The following PCYT2 variants were observed in gnomAD, a reference collection of about 807,000 sequenced individuals.
PCYT2 encodes the protein ethanolamine-phosphate cytidylyltransferase.
PCYT2 carries 33 observed loss-of-function variants against 50.0 expected under a neutral mutation model. The observed-to-expected ratio is 0.66, with a 90% confidence interval of 0.50 to 0.88. PCYT2 has a LOEUF of 0.88. Ranked by LOEUF, PCYT2 falls within the 40% of genes least tolerant of loss-of-function variation. The probability of loss-of-function intolerance (pLI) is 0.00; values close to 1 mark genes in which losing one functional copy is unlikely to be tolerated. For missense variants in PCYT2, 430 were observed against 519.7 expected (o/e 0.83, Z 1.68); for synonymous variants, 240 against 203.7 (o/e 1.18, Z -1.52).
At chr17:81,907,077 C>T in intron 6 of PCYT2, 179 bp from the exon 7 acceptor site, 1 of 1,052,598 alleles carries the variant, frequency 9.5e-7, no homozygotes, top group Non-Finnish European at 1.4e-6. Context: ...CCCACAACCA[C>T]AGCAGGCACC....
intron 1 of PCYT2, chr17:81,910,822 C>A: frequency 2.2e-6 from 2 of 922,088 alleles, no homozygotes; most frequent in Non-Finnish European, 2.6e-6. Flanking sequence ...CGATCGCATT[C>A]TAGCCCCGCG....
chr17:81,902,255 C>T lies in PCYT2; in HGVS notation c.*2578G>A, dbSNP rs1327565086. On this transcript the variant is annotated 3_prime_UTR_variant, in exon 13 of 13. Transcript: ENST00000538936. ...GCTGCTCCGAGCCCGGACGCCGCCGCCCACCAGTCAGCCGGCGTCCCCATG... is the reference window on the plus strand; with the variant it reads ...GCTGCTCCGAGCCCGGACGCCGCCGTCCACCAGTCAGCCGGCGTCCCCATG... 1 of 1,236,372 alleles carries T rather than the reference C, an allele frequency of 8.1e-7. No homozygotes were observed. Among genetic ancestry groups the T allele is most frequent in the Non-Finnish European group, 1.0e-6 (1 of 990,736 alleles). 76.6% of individuals were successfully genotyped at this position (1,236,372 alleles called of 1,614,324 possible).
Position 81,902,712 on chromosome 17 carries a change from C to T in PCYT2, c.*2121G>A, listed in dbSNP as rs758891138. 1 of 1,608,882 alleles carries T rather than the reference C, an allele frequency of 6.2e-7. No homozygotes were observed. Among genetic ancestry groups the T allele is most frequent in the Admixed American group, 1.7e-5 (1 of 59,868 alleles). ...CCTACCAGTGCAAGGCGAACGTCTTCCTGTCCCTGCGCGCAGCCGACTGCC... is the reference window on the plus strand; with the variant it reads ...CCTACCAGTGCAAGGCGAACGTCTTTCTGTCCCTGCGCGCAGCCGACTGCC... On this transcript the variant is annotated 3_prime_UTR_variant, in exon 13 of 13. Coordinates refer to ENST00000538936, the MANE Select transcript of PCYT2 (RefSeq NM_002861.5).
rs897317176 is a variant in PCYT2 at position 81,903,604 on chromosome 17, A to C, written c.*1229T>G. On this transcript the variant is annotated 3_prime_UTR_variant, in exon 13 of 13. Transcript: ENST00000538936. ...AGCATTGGCACCACCCCACTCCTGA[A>C]AGCGGGGGCCTGGCAGGATGAGGAT... The C allele has an allele frequency of 3.3e-5, 5 of 152,336 alleles. No individual in the cohort carries two copies. The highest frequency in any genetic ancestry group is 1.2e-4 in the African/African-American group (5 of 41,438). 9.4% of individuals were successfully genotyped at this position (152,336 alleles called of 1,614,324 possible).
Position 81,902,990 on chromosome 17 carries a change from G to A in PCYT2, c.*1843C>T, listed in dbSNP as rs553282133. The A allele has an allele frequency of 2.0e-5, 10 of 501,600 alleles. No individual in the cohort carries two copies. Among genetic ancestry groups the A allele is most frequent in the African/African-American group, 4.1e-5 (2 of 49,252 alleles). The allele number at this position is 501,600 out of a possible 1,614,324, so 31.1% of individuals were successfully genotyped here. ...CAAGCCTGGGTATGAGAAGGCAGCC[G>A]AGTGTGCGGCGGCAGGGCAAGGTTG... On this transcript the variant is annotated 3_prime_UTR_variant, in exon 13 of 13. Coordinates refer to ENST00000538936, the MANE Select transcript of PCYT2 (RefSeq NM_002861.5).
rs905541127 is a variant in PCYT2 at position 81,904,967 on chromosome 17, G to A, written c.1059-23C>T. 7 of 1,603,488 alleles carry A rather than the reference G, an allele frequency of 4.4e-6. No homozygotes were observed. In the Admixed American group the frequency reaches 8.4e-5, roughly 19 times the overall value. Reference sequence around the variant, plus strand: ...AACCTGAGAGGGCAGGGTAAGTCTAGCAGAGAGCGCCCATGAGGCGGCTCC... The same window carrying A: ...AACCTGAGAGGGCAGGGTAAGTCTAACAGAGAGCGCCCATGAGGCGGCTCC... On this transcript the variant is annotated intron_variant, in intron 12 of 12. Coordinates refer to ENST00000538936, the MANE Select transcript of PCYT2 (RefSeq NM_002861.5).
Position 81,907,794 on chromosome 17 carries a change from G to A in PCYT2, c.471C>T (p.Thr157=). The A allele has an allele frequency of 6.2e-7, 1 of 1,613,354 alleles. No homozygotes were observed. Among genetic ancestry groups the A allele is most frequent in the Non-Finnish European group, 8.5e-7 (1 of 1,179,962 alleles). Residue 157 remains threonine, a synonymous_variant, in exon 5 of 13, where the codon ACC becomes ACT. Transcript: ENST00000538936. ...TCACCTGGCTGCTGTGATGGGCTTTGGTTACCAGCAGCATGCGGCCCACGA... is the reference window on the plus strand; with the variant it reads ...TCACCTGGCTGCTGTGATGGGCTTTAGTTACCAGCAGCATGCGGCCCACGA... ...TDLVGRMLLV[T]KAHHSSQEMS... is the part of the protein sequence containing the mutation.
intron 4 of PCYT2, 151 bp from the exon 5 acceptor site, chr17:81,908,008 A>G: frequency 1.5e-6 from 1 of 647,230 alleles, no homozygotes; most frequent in East Asian, 2.8e-5. Flanking sequence ...CAAGGCCATA[A>G]CAGAAAACCT....
chr17:81,908,481 C>A, intron 4 of PCYT2, 87 bp downstream of exon 4: 1 of 1,028,036 alleles, frequency 9.7e-7, no homozygotes, highest in Non-Finnish European at 1.5e-6. Flanking sequence ...GCTCCCCTCA[C>A]GGGCTCCCGG....
At chr17:81,908,308 C>T (rs1358430344) in intron 4 of PCYT2, among the ~76,000 whole-genome samples, 4 of 152,234 alleles carry the variant, frequency 2.6e-5, no homozygotes, top group Non-Finnish European at 5.9e-5. Flanking sequence ...AGCCACGTCC[C>T]CCGAGCTCAA....
chr17:81,902,832 G>T lies in PCYT2; in HGVS notation c.*2001C>A. On this transcript the variant is annotated 3_prime_UTR_variant, in exon 13 of 13. Transcript: ENST00000538936. ...CCCCAGGCCCCTCCGGCGCGGGATG[G>T]CGCCCCAGGTCTCCCCTACTCCGCT... The T allele has an allele frequency of 1.5e-6, 2 of 1,291,732 alleles. No individual in the cohort carries two copies. The highest frequency in any genetic ancestry group is 3.1e-5 in the African/African-American group (2 of 65,294). 80.0% of individuals were successfully genotyped at this position (1,291,732 alleles called of 1,614,324 possible). A position where few individuals can be genotyped will look rare whatever the true frequency, so the allele number is the denominator to read the frequency against.
At position 81,902,825 on chromosome 17, in the gene PCYT2, C is replaced by T; in HGVS notation, c.*2008G>A. ...TCGGTGACCCCAGGCCCCTCCGGCG[C>T]GGGATGGCGCCCCAGGTCTCCCCTA... On this transcript the variant is annotated 3_prime_UTR_variant, in exon 13 of 13. Coordinates refer to ENST00000538936, the MANE Select transcript of PCYT2 (RefSeq NM_002861.5). The T allele has an allele frequency of 7.4e-7, 1 of 1,352,828 alleles. No individual in the cohort carries two copies. Among genetic ancestry groups the T allele is most frequent in the Non-Finnish European group, 9.9e-7 (1 of 1,006,188 alleles). 83.8% of individuals were successfully genotyped at this position (1,352,828 alleles called of 1,614,324 possible). A position where few individuals can be genotyped will look rare whatever the true frequency, so the allele number is the denominator to read the frequency against.
At chr17:81,907,733 C>A (rs761002409) in intron 5 of PCYT2, 40 bp downstream of exon 5, 1 of 1,602,482 alleles carries the variant, frequency 6.2e-7, no homozygotes, top group Non-Finnish European at 8.5e-7. Context: ...CCCCTGGAGA[C>A]CTCGACCCAG....
In PCYT2 at chr17:81,901,975, A is replaced by AC. The variant is rs2039967820; in HGVS notation, c.*2857dup. The AC allele has an allele frequency of 4.7e-6, 1 of 214,128 alleles. No homozygotes were observed. Among genetic ancestry groups the AC allele is most frequent in the South Asian group, 1.8e-4 (1 of 5,412 alleles). The allele number at this position is 214,128 out of a possible 1,614,324, so 13.3% of individuals were successfully genotyped here. On this transcript the variant is annotated 3_prime_UTR_variant, in exon 13 of 13. Transcript: ENST00000538936. The stretch of plus-strand genomic sequence containing the variant: ...CGCCCGTGGGCCCTCCCCTGCTGCC[A>AC]CTGCGGCCCACGCAAGCCGGGCCTG...
chr17:81,905,176 G>A (rs757603408), intron 11 of PCYT2, 22 bp from the exon 12 acceptor site: 109 of 1,593,706 alleles, frequency 6.8e-5, no homozygotes, highest in Non-Finnish European at 9.0e-5. Context: ...GAGAGGAGGA[G>A]CGGGATGAAG....
chr17:81,906,885 C>T lies in PCYT2; in HGVS notation c.551G>A (p.Arg184Gln), dbSNP rs200287081. The T allele has an allele frequency of 1.4e-4, 233 of 1,612,850 alleles. No homozygotes were observed. The highest frequency in any genetic ancestry group is 1.3e-4 in the Admixed American group (8 of 59,990). Residue 184 changes from arginine to glutamine, a missense_variant, in exon 7 of 13, where the codon CGG (arginine) becomes CAG (glutamine). By Grantham distance (43) the Arg-to-Gln change is conservative (BLOSUM62 1). Transcript: ENST00000538936. The stretch of plus-strand genomic sequence containing the variant: ...CTGGGATACCCCGGTCCAGGGGTTC[C>T]GCCCACCAGGGCACTGCAAGCCAAG... Reference protein sequence around the residue: ...ADSFGKCPGGRNPWTGVSQFL... With the variant: ...ADSFGKCPGGQNPWTGVSQFL...
At chr17:81,907,172 G>T in intron 6 of PCYT2, 1 of 1,501,122 alleles carries the variant, frequency 6.7e-7, no homozygotes, top group Non-Finnish European at 8.9e-7. Context: ...CCTTGGGAGG[G>T]ACCTGGTACC....
chr17:81,905,554 C>T, intron 10 of PCYT2, 107 bp from the exon 11 acceptor site: 1 of 1,440,614 alleles, frequency 6.9e-7, no homozygotes, highest in Non-Finnish European at 9.6e-7. Flanking sequence ...CTGCCCTTTC[C>T]TCAGCCCAGG....
At position 81,902,137 on chromosome 17, in the gene PCYT2, G is replaced by A. The variant is rs962281138; in HGVS notation, c.*2696C>T. 1.3e-6 allele frequency: 1 copy of A among 764,434 alleles called. No individual in the cohort carries two copies. The highest frequency in any genetic ancestry group is 1.7e-6 in the Non-Finnish European group (1 of 579,664). 47.4% of individuals were successfully genotyped at this position (764,434 alleles called of 1,614,324 possible). ...CGGAGGTGCGACGGCTCCTCCGCGC[G>A]CGCCCGCTGCACCCCAGCCCGCCCG... is the stretch of plus-strand genomic sequence containing the variant. On this transcript the variant is annotated 3_prime_UTR_variant, in exon 13 of 13. Coordinates refer to ENST00000538936, the MANE Select transcript of PCYT2 (RefSeq NM_002861.5).
Sources: allele counts gnomAD v4.1 joint callset (sites outside exome capture counted in the v4.1 genomes callset), GRCh38; gene constraint gnomAD v4.1.1; transcripts MANE v1.5; gene names NCBI Gene and HGNC (gene_info 2026-07-23, HGNC 2026-07-21).